The following NRG3 variants were observed in gnomAD, a reference collection of about 807,000 sequenced individuals.
NRG3 encodes pro-neuregulin-3, membrane-bound isoform.
Under a neutral mutation model 66.9 loss-of-function variants are expected in NRG3, and 31 were observed. The observed-to-expected ratio is 0.46, with a 90% CI of 0.35 to 0.63. The LOEUF is 0.63. Ranked by LOEUF, NRG3 falls within the 20% of genes least tolerant of loss-of-function variation. The pLI, the probability that NRG3 is intolerant of heterozygous loss-of-function variation, is 0.00. For missense variants in NRG3, 910 were observed against 878.9 expected (o/e 1.04, Z -0.45); for synonymous variants, 393 against 359.4 (o/e 1.09, Z -1.06).
chr10:82,935,065 G>T (rs1487857816), intron 4 of NRG3, among the ~76,000 whole-genome samples: 1 of 152,106 alleles, frequency 6.6e-6, no homozygotes, highest in Non-Finnish European at 1.5e-5. Context: ...GTGAATTAAG[G>T]ATACCTGGGG....
At chr10:82,900,745 T>A (rs1172096454) in intron 4 of NRG3, among the ~76,000 whole-genome samples, 3 of 152,142 alleles carry the variant, frequency 2.0e-5, no homozygotes, top group African/African-American at 7.2e-5. Flanking sequence ...TTCCCCAGAT[T>A]CAGTCAGAAA....
At chr10:82,961,445 C>A (rs1433225565) in intron 6 of NRG3, among the ~76,000 whole-genome samples, 1 of 152,158 alleles carries the variant, frequency 6.6e-6, no homozygotes, top group African/African-American at 2.4e-5. Flanking sequence ...CCACAATGTG[C>A]AGAAAATAGA....
chr10:81,955,320 A>C (rs1231733222), intron 1 of NRG3, among the ~76,000 whole-genome samples: 2 of 151,980 alleles, frequency 1.3e-5, no homozygotes, highest in Non-Finnish European at 2.9e-5. Flanking sequence ...TGAGGGCTGG[A>C]AGCTCTGTAG....
intron 2 of NRG3, among the ~76,000 whole-genome samples, chr10:82,578,946 A>G (rs1288212374): frequency 6.6e-6 from 1 of 151,866 alleles, no homozygotes; most frequent in African/African-American, 2.4e-5. Context: ...TGTGACCTCT[A>G]TGATCTCAAG....
intron 2 of NRG3, among the ~76,000 whole-genome samples, chr10:82,714,576 A>C (rs2056865130): frequency 6.6e-6 from 1 of 152,200 alleles, no homozygotes; most frequent in African/African-American, 2.4e-5. Context: ...AACTACAATT[A>C]CCTTTGGTTT....
chr10:82,631,868 G>A (rs1301674476), intron 2 of NRG3, among the ~76,000 whole-genome samples: 3 of 152,132 alleles, frequency 2.0e-5, no homozygotes, highest in South Asian at 4.1e-4. Flanking sequence ...TTAAGAGGCC[G>A]AGGCAGGCAG....
At chr10:82,333,961 G>A (rs1406898638) in intron 1 of NRG3, among the ~76,000 whole-genome samples, 3 of 151,868 alleles carry the variant, frequency 2.0e-5, no homozygotes, top group African/African-American at 4.8e-5. Flanking sequence ...AGGCTGAGGC[G>A]GGCGGATCAC....
chr10:82,389,234 C>G (rs972823288), intron 2 of NRG3, among the ~76,000 whole-genome samples: 1 of 152,116 alleles, frequency 6.6e-6, no homozygotes, highest in African/African-American at 2.4e-5. Flanking sequence ...GAATTCAACT[C>G]GCAAATTTCT....
chr10:82,399,463 GCA>G (rs2086932787), intron 2 of NRG3, among the ~76,000 whole-genome samples: 2 of 152,176 alleles, frequency 1.3e-5, no homozygotes, highest in South Asian at 4.1e-4. Flanking sequence ...AGAATATTAT[GCA>G]TTGGGTAGTT....
intron 2 of NRG3, among the ~76,000 whole-genome samples, chr10:82,390,341 TG>T (rs2086270135): frequency 1.3e-5 from 2 of 150,744 alleles, no homozygotes; most frequent in South Asian, 2.1e-4. Context: ...TGTGTTTTTT[TG>T]TGGGGGGGCT....
intron 3 of NRG3, among the ~76,000 whole-genome samples, chr10:82,830,656 C>G (rs1242654128): frequency 2.6e-5 from 4 of 152,140 alleles, no homozygotes; most frequent in African/African-American, 9.7e-5. Context: ...AAAACGACTG[C>G]ACATGAGAAT....
chr10:82,426,832 G>A (rs1420278498), intron 2 of NRG3, among the ~76,000 whole-genome samples: 1 of 151,700 alleles, frequency 6.6e-6, no homozygotes, highest in Non-Finnish European at 1.5e-5. Flanking sequence ...TTTTCTTTTG[G>A]TAAAGATGGA....
intron 2 of NRG3, among the ~76,000 whole-genome samples, chr10:82,708,368 T>G (rs1405806417): frequency 6.6e-6 from 1 of 152,148 alleles, no homozygotes; most frequent in Non-Finnish European, 1.5e-5. Flanking sequence ...CATGAGTAAA[T>G]TATGTGTTGT....
intron 2 of NRG3, among the ~76,000 whole-genome samples, chr10:82,461,206 T>C (rs1262670487): frequency 6.7e-6 from 1 of 149,394 alleles, no homozygotes; most frequent in East Asian, 2.0e-4. Flanking sequence ...TCACCACCAT[T>C]AACACCATTA....
intron 2 of NRG3, among the ~76,000 whole-genome samples, chr10:82,599,533 GGCCGGGC>G (rs1258866199): frequency 6.6e-6 from 1 of 152,212 alleles, no homozygotes; most frequent in Non-Finnish European, 1.5e-5. Context: ...GAACTAATCA[GGCCGGGC>G]GCCGGGGCTC....
intron 1 of NRG3, among the ~76,000 whole-genome samples, chr10:82,223,856 T>A (rs1174511615): frequency 6.6e-6 from 1 of 152,162 alleles, no homozygotes; most frequent in Non-Finnish European, 1.5e-5. Context: ...TTCTGGCGCT[T>A]CCAGAAAGCA....
chr10:82,221,183 G>A (rs2075924023), intron 1 of NRG3, among the ~76,000 whole-genome samples: 1 of 151,238 alleles, frequency 6.6e-6, no homozygotes, highest in South Asian at 2.1e-4. Flanking sequence ...GGCTTGATTT[G>A]GAACTGAGGA....
chr10:81,896,678 T>G (rs1396965837), intron 1 of NRG3, among the ~76,000 whole-genome samples: 1 of 152,076 alleles, frequency 6.6e-6, no homozygotes, highest in Non-Finnish European at 1.5e-5. Context: ...TTTTTTGGTT[T>G]TCTTTAAAGA....
intron 1 of NRG3, among the ~76,000 whole-genome samples, chr10:81,998,522 G>A (rs940095902): frequency 3.3e-5 from 5 of 152,136 alleles, no homozygotes; most frequent in South Asian, 2.1e-4. Flanking sequence ...AAACTGGGCC[G>A]CAGAGTCGAT....
Sources: allele counts gnomAD v4.1 joint callset (sites outside exome capture counted in the v4.1 genomes callset), GRCh38; gene constraint gnomAD v4.1.1; transcripts MANE v1.5; gene names NCBI Gene and HGNC (gene_info 2026-07-23, HGNC 2026-07-21).